Variants in MKLN1 observed in about 807,000 individuals in gnomAD.
MKLN1 encodes muskelin 1.
A neutral mutation model predicts 99.0 loss-of-function variants in MKLN1; 18 were observed. The observed-to-expected ratio is 0.18, with a 90% CI of 0.13 to 0.27. MKLN1 has a LOEUF of 0.27. Among genes scored for constraint, MKLN1 ranks in the 10% least tolerant of loss-of-function variants. The pLI, the probability that MKLN1 is intolerant of heterozygous loss-of-function variation, is 1.00. For synonymous variants in MKLN1, 288 were observed against 293.2 expected (o/e 0.98, Z 0.18); for missense variants, 621 against 875.9 (o/e 0.71, Z 3.67).
At chr7:131,247,786 G>A (rs1232263541) in intron 3 of MKLN1, among the ~76,000 whole-genome samples, 1 of 152,096 alleles carries the variant, frequency 6.6e-6, no homozygotes, top group Non-Finnish European at 1.5e-5. Context: ...GAACTGGCAG[G>A]GTTTTGTCTT....
chr7:131,296,270 C>T (rs1178640617), intron 3 of MKLN1, among the ~76,000 whole-genome samples: 1 of 152,114 alleles, frequency 6.6e-6, no homozygotes, highest in Admixed American at 6.5e-5. Flanking sequence ...AGTTAGGCAA[C>T]AAATAAATTT....
At chr7:131,346,839 A>G (rs904611617) in intron 1 of MKLN1, among the ~76,000 whole-genome samples, 1 of 152,256 alleles carries the variant, frequency 6.6e-6, no homozygotes, top group Non-Finnish European at 1.5e-5. Context: ...TTCTATAATT[A>G]CATATACACA....
chr7:131,283,087 AGGG>A (rs1798075518), intron 3 of MKLN1, among the ~76,000 whole-genome samples: 1 of 152,132 alleles, frequency 6.6e-6, no homozygotes, highest in South Asian at 2.1e-4. Flanking sequence ...CGTTACTGAG[AGGG>A]CTCTTCAGTG....
intron 1 of MKLN1, among the ~76,000 whole-genome samples, chr7:131,115,805 C>G (rs755132376): frequency 2.6e-5 from 4 of 152,172 alleles, no homozygotes; most frequent in Admixed American, 6.6e-5. Flanking sequence ...TCATTCTGAT[C>G]TTTGCTTATA....
intron 1 of MKLN1, among the ~76,000 whole-genome samples, chr7:131,358,990 C>T (rs1020713418): frequency 4.6e-5 from 7 of 152,076 alleles, no homozygotes; most frequent in Middle Eastern, 3.4e-3. Flanking sequence ...CTTTATTCTA[C>T]GCATTTCCTG....
At chr7:131,478,356 A>G in intron 16 of MKLN1, 1 of 353,600 alleles carries the variant, frequency 2.8e-6, no homozygotes, top group Non-Finnish European at 5.0e-6. Context: ...CTTAATAAGT[A>G]CATACTTTAA....
intron 2 of MKLN1, among the ~76,000 whole-genome samples, chr7:131,378,882 CT>C (rs912728269): frequency 5.2e-3 from 668 of 128,682 alleles, no homozygotes; most frequent in Non-Finnish European, 5.7e-3. Context: ...AAAGCTGGGA[CT>C]TTTTTTTTTT....
intron 3 of MKLN1, among the ~76,000 whole-genome samples, chr7:131,227,495 C>CTCTCTTTCTTTCTT (rs1554539894): frequency 8.6e-6 from 1 of 115,710 alleles, no homozygotes. Context: ...CTCTTTCTTT[C>CTCTCTTTCTTTCTT]TCTTTCTTTC....
intron 2 of MKLN1, among the ~76,000 whole-genome samples, chr7:131,197,450 A>G (rs1030308314): frequency 2.7e-5 from 4 of 150,300 alleles, no homozygotes; most frequent in African/African-American, 9.8e-5. Context: ...GAGTCTCATT[A>G]TGTTGCCCAG....
intron 3 of MKLN1, among the ~76,000 whole-genome samples, chr7:131,243,430 G>A (rs1041163284): frequency 2.6e-5 from 4 of 152,084 alleles, no homozygotes; most frequent in South Asian, 2.1e-4. Context: ...TGTGTTACCC[G>A]CTTGCAACAC....
rs768660095 is a variant in MKLN1 at position 131,437,744 on chromosome 7, CTTTA to C, written c.961-37_961-34del. On this transcript the variant is annotated intron_variant, in intron 9 of 17. Transcript: ENST00000352689. ...ATTTGTTCTTTGATTTTTTTTTGCT[CTTTA>C]TTTGTTTATTTATTTATTTTCTCTC... 2.0e-4 allele frequency: 284 copies of C among 1,413,778 alleles called. No individual in the cohort carries two copies. In the African/African-American group the frequency reaches 3.1e-3, roughly 15 times the overall value. 87.6% of individuals were successfully genotyped at this position (1,413,778 alleles called of 1,614,324 possible). A position where few individuals can be genotyped will look rare whatever the true frequency, so the allele number is the denominator to read the frequency against.
chr7:131,134,111 T>C (rs1795611274), intron 1 of MKLN1, among the ~76,000 whole-genome samples: 1 of 152,162 alleles, frequency 6.6e-6, no homozygotes, highest in African/African-American at 2.4e-5. Flanking sequence ...ATTACAGGCA[T>C]GAGCCAACGC....
At chr7:131,432,120 G>A (rs1272935459) in intron 9 of MKLN1, among the ~76,000 whole-genome samples, 5 of 152,228 alleles carry the variant, frequency 3.3e-5, no homozygotes, top group Admixed American at 2.6e-4. Flanking sequence ...CCTTAAAGGC[G>A]TGAATCATAT....
chr7:131,270,441 G>A lies in MKLN1; in HGVS notation c.-179+67467G>A, dbSNP rs570629978. Among the ~76,000 whole-genome samples the A allele has an allele frequency of 3.9e-5, 6 of 152,240 alleles. No homozygotes were observed. In the East Asian group the frequency reaches 9.7e-4, roughly 25 times the overall value. The stretch of plus-strand genomic sequence containing the variant: ...TCACCATGTTGGCCAGGCTTGTCTC[G>A]AACTCCTGACCTCAGGTCATCCACC... On this transcript the variant is annotated intron_variant, in intron 3 of 7. Coordinates refer to the MKLN1 transcript ENST00000416992.
intron 3 of MKLN1, among the ~76,000 whole-genome samples, chr7:131,231,482 G>A (rs1212082627): frequency 1.3e-5 from 2 of 152,130 alleles, no homozygotes; most frequent in Non-Finnish European, 2.9e-5. Context: ...ATTAGTGCTG[G>A]TTCCAATCAG....
At chr7:131,210,109 T>C (rs1270151279) in intron 3 of MKLN1, among the ~76,000 whole-genome samples, 1 of 152,240 alleles carries the variant, frequency 6.6e-6, no homozygotes, top group Non-Finnish European at 1.5e-5. Context: ...AGTACTCTTC[T>C]AACCATGTTG....
chr7:131,184,428 G>A (rs1411202028), intron 2 of MKLN1, among the ~76,000 whole-genome samples: 1 of 152,244 alleles, frequency 6.6e-6, no homozygotes, highest in Admixed American at 6.5e-5. Context: ...CTGCAGGCCA[G>A]TCACTGTCTC....
chr7:131,133,353 CTTTTTTT>C (rs1198245681), intron 1 of MKLN1, among the ~76,000 whole-genome samples: 15 of 93,638 alleles, frequency 1.6e-4, no homozygotes, highest in Non-Finnish European at 2.4e-4. Context: ...TTCTTTCTTT[CTTTTTTT>C]TTTTTTTTTT....
At chr7:131,254,069 T>C (rs1797621490) in intron 3 of MKLN1, among the ~76,000 whole-genome samples, 1 of 152,118 alleles carries the variant, frequency 6.6e-6, no homozygotes, top group African/African-American at 2.4e-5. Context: ...TAGAGGAGCC[T>C]AACACCTAGG....
Sources: gnomAD v4.1 joint callset for allele counts (sites outside exome capture counted in the v4.1 genomes callset) on GRCh38, gnomAD v4.1.1 for gene constraint, MANE v1.5 for transcripts, NCBI Gene and HGNC (gene_info 2026-07-23, HGNC 2026-07-21) for gene names.